DOCK8: variants seen among roughly 807,000 people sequenced by gnomAD.
DOCK8 encodes the protein dedicator of cytokinesis 8, also known as dedicator of cytokinesis protein 8.
A neutral mutation model predicts 245.6 loss-of-function variants in DOCK8; 141 were observed. That is an observed-to-expected ratio of 0.57 (90% CI 0.50 to 0.66). The LOEUF (loss-of-function observed/expected upper bound fraction) is 0.66, where lower values mean the gene tolerates loss of function less well. DOCK8 is among the 30% of genes least tolerant of loss of function. The pLI is 0.00. For missense variants in DOCK8, 2,965 were observed against 2,603.4 expected (o/e 1.14, Z -3.02); for synonymous variants, 1,168 against 970.2 (o/e 1.20, Z -3.79).
In DOCK8 at chr9:303,804, GA is replaced by G. The variant is rs1380096772; in HGVS notation, c.405-770del. On this transcript the variant is annotated intron_variant, in intron 4 of 47. Transcript: ENST00000432829. ...TCCCTTGAACCTAAAATAAAAGTTGGAAAAAAATAAAAGATAAGATATCCCG... is the reference window on the plus strand; with the variant it reads ...TCCCTTGAACCTAAAATAAAAGTTGGAAAAAATAAAAGATAAGATATCCCG... 3.3e-5 allele frequency among the ~76,000 whole-genome samples: 5 copies of G among 152,010 alleles called. No homozygotes were observed. In the East Asian group the frequency reaches 7.7e-4, roughly 23 times the overall value.
chr9:441,914 T>G lies in DOCK8; in HGVS notation c.5395T>G (p.Phe1799Val). 6.2e-7 allele frequency: 1 copy of G among 1,614,174 alleles called. No homozygotes were observed. Among genetic ancestry groups the G allele is most frequent in the Non-Finnish European group, 8.5e-7 (1 of 1,180,038 alleles). The change falls in exon 42 of 48, where the codon TTC becomes GTC. Residue 1799 changes from phenylalanine (F) to valine (V), a missense_variant. Physicochemically the swap from Phe to Val is conservative, Grantham distance 50. Around this residue, in one of 3 missense-constraint regions of DOCK8, gnomAD observed 2,825 missense variants for 2,453.5 expected, o/e 1.15. Transcript: ENST00000432829. ...RMFGTYFRVG[F>V]FGSKFGDLDE... ...GTTTGGAACCTACTTCCGAGTTGGT[T>G]TCTTTGGATCCAAATTTGGGGATTT...
In DOCK8 at chr9:289,481, C is replaced by CAT. The variant is rs34722895; in HGVS notation, c.333-29_333-28insAT. ...GTTTTGTTGTTTTACCCAGTAATAA[C>CAT]GTGTTTATTTCATTTTCTACCTCAT... is the stretch of plus-strand genomic sequence containing the variant. On this transcript the variant is annotated intron_variant, in intron 3 of 47. Transcript: ENST00000432829. 512,351 of 1,582,010 alleles carry CAT rather than the reference C, an allele frequency of 0.32. 85,815 individuals are homozygous for CAT. The highest frequency in any genetic ancestry group is 0.55 in the African/African-American group (41,094 of 74,196).
intron 42 of DOCK8, among the ~76,000 whole-genome samples, chr9:442,963 C>T (rs1352039391): frequency 6.6e-6 from 1 of 152,150 alleles, no homozygotes; most frequent in Non-Finnish European, 1.5e-5. Context: ...GTGAGTTGCC[C>T]CAAAATTGTT....
chr9:415,692 GCA>G (rs140525484), intron 29 of DOCK8, among the ~76,000 whole-genome samples: 1,886 of 150,998 alleles, frequency 0.012, 26 homozygotes, highest in Middle Eastern at 0.041. Context: ...GTGCGCGCGT[GCA>G]CACACACACA....
At chr9:339,237 C>A in intron 13 of DOCK8, 138 bp downstream of exon 13, 1 of 778,742 alleles carries the variant, frequency 1.3e-6, no homozygotes, top group Non-Finnish European at 2.2e-6. Context: ...GGTTAAGAAT[C>A]TGAATTGTTC....
intron 1 of DOCK8, among the ~76,000 whole-genome samples, chr9:249,740 G>C (rs587035): frequency 0.6 from 90,325 of 151,526 alleles, 27,317 homozygotes; most frequent in East Asian, 0.8. Flanking sequence ...GCCTCAGCCT[G>C]CCAAGTAACT....
At chr9:382,066 G>A (rs2053742156) in intron 21 of DOCK8, among the ~76,000 whole-genome samples, 1 of 152,108 alleles carries the variant, frequency 6.6e-6, no homozygotes, top group East Asian at 1.9e-4. Context: ...ATCATATACC[G>A]TAATCCTCAC....
At position 396,805 on chromosome 9, in the gene DOCK8, C is replaced by A; in HGVS notation, c.2991C>A (p.His997Gln). ...CGCAGGTGAAAAGCATGGCCCAGCA[C>A]GTACATAACATGGACAAACGGGACA... ...FELLVKSMAQ[H>Q]VHNMDKRDSF... Residue 997 changes from histidine to glutamine, a missense_variant, in exon 25 of 48, where the codon CAC becomes CAA. Around this residue, in one of 3 missense-constraint regions of DOCK8, gnomAD observed 2,825 missense variants for 2,453.5 expected, o/e 1.15. Transcript: ENST00000432829. 1 of 1,614,090 alleles carries A rather than the reference C, an allele frequency of 6.2e-7. No homozygotes were observed. The highest frequency in any genetic ancestry group is 8.5e-7 in the Non-Finnish European group (1 of 1,180,016).
chr9:217,400 T>TTTC (rs1261945505), intron 1 of DOCK8, among the ~76,000 whole-genome samples: 3 of 152,140 alleles, frequency 2.0e-5, no homozygotes, highest in Non-Finnish European at 4.4e-5. Flanking sequence ...GGGGCCAGTG[T>TTTC]TTCTCCGCCT....
Position 220,605 on chromosome 9 carries a change from A to G in DOCK8, c.53+5576A>G, listed in dbSNP as rs1269443208. ...GCTGAGAAAGCTAAGAAACAAAAGC[A>G]TTTAGTTTTTTTCAGTGGCAGGTGC... On this transcript the variant is annotated intron_variant, in intron 1 of 47. Transcript: ENST00000432829. 1.4e-5 allele frequency: 4 copies of G among 277,490 alleles called. No homozygotes were observed. The East Asian group carries it at 4.2e-4, about 29-fold the overall frequency. The allele number at this position is 277,490 out of a possible 1,614,324, so 17.2% of individuals were successfully genotyped here.
At chr9:213,683 A>G (rs997726979), upstream of DOCK8, 11 of 151,832 alleles carry the variant, frequency 7.2e-5, no homozygotes, top group African/African-American at 2.7e-4. Flanking sequence ...GCTAGTGGCT[A>G]TCATATTAAA....
At chr9:375,369 A>G (rs67352757) in intron 18 of DOCK8, among the ~76,000 whole-genome samples, 3,801 of 152,356 alleles carry the variant, frequency 0.025, 162 homozygotes, top group African/African-American at 0.086. Context: ...ATATAAACGT[A>G]TAAAAGAGTC....
chr9:215,140 G>T (rs2131310719), intron 1 of DOCK8, 111 bp downstream of exon 1: 2 of 1,464,388 alleles, frequency 1.4e-6, no homozygotes, highest in East Asian at 2.8e-5. Flanking sequence ...CGTCCGCGGC[G>T]GGGCGCGCCT....
chr9:244,830 C>A (rs1445486389), intron 1 of DOCK8, among the ~76,000 whole-genome samples: 1 of 152,116 alleles, frequency 6.6e-6, no homozygotes, highest in East Asian at 1.9e-4. Flanking sequence ...GTGTTTTCTT[C>A]CTAGTCCGTC....
intron 1 of DOCK8, among the ~76,000 whole-genome samples, chr9:237,505 A>G (rs140916867): frequency 1.0e-3 from 153 of 152,296 alleles, no homozygotes; most frequent in African/African-American, 3.5e-3. Context: ...AAATACAAAA[A>G]TTAGCCAGGC....
chr9:432,073 G>A, intron 36 of DOCK8, 93 bp from the exon 37 acceptor site: 1 of 1,283,310 alleles, frequency 7.8e-7, no homozygotes, highest in Admixed American at 1.9e-5. Flanking sequence ...GAAACACTGA[G>A]GAGTTGTTTG....
chr9:299,853 C>G (rs945134252), intron 4 of DOCK8, among the ~76,000 whole-genome samples: 16 of 151,876 alleles, frequency 1.1e-4, no homozygotes, highest in East Asian at 3.9e-4. Context: ...AACCCCGTCT[C>G]TACTAAAAAT....
At chr9:382,431 A>T in intron 21 of DOCK8, 82 bp from the exon 22 acceptor site, 1 of 1,559,006 alleles carries the variant, frequency 6.4e-7, no homozygotes, top group Non-Finnish European at 8.8e-7. Flanking sequence ...CATCCACCCT[A>T]TCCCTCTTCA....
chr9:463,765 T>C, intron 47 of DOCK8, 78 bp downstream of exon 47: 1 of 1,554,786 alleles, frequency 6.4e-7, no homozygotes, highest in Non-Finnish European at 8.8e-7. Context: ...GGGCATGCTC[T>C]GCTGCACTTG....
Sources: allele counts gnomAD v4.1 joint callset (sites outside exome capture counted in the v4.1 genomes callset), GRCh38; gene constraint gnomAD v4.1.1; regional missense constraint gnomAD v4.1.1; transcripts MANE v1.5; gene names NCBI Gene and HGNC (gene_info 2026-07-23, HGNC 2026-07-21).